The following NOSTRIN variants were observed in gnomAD, a reference collection of about 807,000 sequenced individuals.
NOSTRIN encodes BM247 homolog.
Under a neutral mutation model 59.0 loss-of-function variants are expected in NOSTRIN, and 63 were observed. The ratio of observed to expected loss-of-function variants is 1.07; its 90% CI spans 0.87 to 1.32. The LOEUF is 1.32. Ranked by LOEUF, NOSTRIN falls within the 40% of genes most tolerant of loss-of-function variation. The pLI, the probability that NOSTRIN is intolerant of heterozygous loss-of-function variation, is 0.00. For missense variants in NOSTRIN, 512 were observed against 473.1 expected, an observed-to-expected ratio of 1.08 and a Z score of -0.76; for synonymous variants, 200 against 165.4, an observed-to-expected ratio of 1.21 and a Z score of -1.61.
chr2:168,843,131 T>A lies in NOSTRIN; in HGVS notation c.630+14T>A, dbSNP rs1432949518. On this transcript the variant is annotated intron_variant, in intron 8 of 15. Coordinates refer to ENST00000317647, the MANE Select transcript of NOSTRIN (RefSeq NM_001039724.4). ...AACTGCTACCAGGTAAGTTATATAT[T>A]CACATTTTTTTCTTCTTCTGTGGAG... 2 of 859,648 alleles carry A rather than the reference T, an allele frequency of 2.3e-6. No homozygotes were observed. Among genetic ancestry groups the A allele is most frequent in the East Asian group, 2.4e-5 (1 of 41,562 alleles). 53.3% of individuals were successfully genotyped at this position (859,648 alleles called of 1,614,324 possible).
chr2:168,840,503 C>G (rs558713378), intron 7 of NOSTRIN, among the ~76,000 whole-genome samples: 1 of 132,488 alleles, frequency 7.5e-6, no homozygotes, highest in Non-Finnish European at 1.5e-5. Context: ...GCACTCCAGC[C>G]TGGGGGACAG....
upstream of NOSTRIN, chr2:168,802,335 G>A (rs550532201): frequency 3.1e-6 from 1 of 319,524 alleles, no homozygotes; most frequent in East Asian, 6.3e-5. Context: ...AATTGTTGGA[G>A]ACATGTTACA....
intron 2 of NOSTRIN, among the ~76,000 whole-genome samples, chr2:168,816,648 T>G (rs1042072820): frequency 7.2e-5 from 11 of 152,276 alleles, no homozygotes; most frequent in African/African-American, 2.6e-4. Flanking sequence ...AACTCCAGTC[T>G]CCAGTCTCAA....
At chr2:168,827,502 A>C (rs1164928872) in intron 3 of NOSTRIN, among the ~76,000 whole-genome samples, 2 of 152,024 alleles carry the variant, frequency 1.3e-5, no homozygotes, top group Non-Finnish European at 2.9e-5. Flanking sequence ...CCTATGACCA[A>C]CCTGTTCTCA....
At chr2:168,802,471 C>T (rs1338240522), upstream of NOSTRIN, 9 of 597,550 alleles carry the variant, frequency 1.5e-5, no homozygotes, top group South Asian at 9.5e-5. Flanking sequence ...TTTACTTTCT[C>T]GGGACACAAA....
At chr2:168,791,945 C>G (rs967682513) in intron 2 of NOSTRIN, among the ~76,000 whole-genome samples, 3 of 152,120 alleles carry the variant, frequency 2.0e-5, no homozygotes, top group African/African-American at 4.8e-5. Flanking sequence ...CCTGTTCACT[C>G]TGATGGTAGT....
At chr2:168,835,023 G>C (rs1162591972) in intron 7 of NOSTRIN, among the ~76,000 whole-genome samples, 1 of 151,950 alleles carries the variant, frequency 6.6e-6, no homozygotes, top group Non-Finnish European at 1.5e-5. Flanking sequence ...TTGGAGCAAG[G>C]TTCAGCCTTA....
At position 168,864,304 on chromosome 2, in the gene NOSTRIN, A is replaced by G. The variant is rs556048859; in HGVS notation, c.1385-530A>G. Among the ~76,000 whole-genome samples, 19 of 145,276 alleles carry G rather than the reference A, an allele frequency of 1.3e-4. 1 individual carries two copies. Among genetic ancestry groups the G allele is most frequent in the African/African-American group, 4.6e-4 (18 of 38,710 alleles). On this transcript the variant is annotated intron_variant, in intron 15 of 15. Transcript: ENST00000317647. ...GATCCTGTTTTTTTTTTTCTGAGAC[A>G]GAGTCTTGCCCTGTTGCTGTTGCCC...
intron 8 of NOSTRIN, among the ~76,000 whole-genome samples, chr2:168,843,665 G>A (rs2685798): frequency 0.64 from 97,559 of 152,082 alleles, 32,342 homozygotes; most frequent in African/African-American, 0.81. Flanking sequence ...CAAAATCATC[G>A]ATAAGCCTAT....
At chr2:168,847,592 G>A (rs1688507283) in intron 8 of NOSTRIN, among the ~76,000 whole-genome samples, 1 of 152,206 alleles carries the variant, frequency 6.6e-6, no homozygotes. Context: ...AGCAAGAACT[G>A]GAAGGAACGA....
At chr2:168,864,239 C>T (rs1445628584) in intron 15 of NOSTRIN, among the ~76,000 whole-genome samples, 2 of 151,074 alleles carry the variant, frequency 1.3e-5, no homozygotes, top group Non-Finnish European at 2.9e-5. Context: ...GGCCTCCCAA[C>T]GTGCTGGGAT....
intron 2 of NOSTRIN, among the ~76,000 whole-genome samples, chr2:168,790,908 G>A (rs829951): frequency 1 from 151,775 of 152,358 alleles, 75,599 homozygotes; most frequent in Middle Eastern, 1. Flanking sequence ...ATTCAGGACA[G>A]AAGGAAAAAA....
Position 168,805,687 on chromosome 2 carries a change from A to G in NOSTRIN, c.27+3014A>G, listed in dbSNP as rs185181994. The stretch of plus-strand genomic sequence containing the variant: ...CACAGTCAGCCCCTCCCCGCATGTC[A>G]TCGGCCATTGAAATGGCACCAGGCT... On this transcript the variant is annotated intron_variant, in intron 1 of 15. Coordinates refer to ENST00000317647, the MANE Select transcript of NOSTRIN (RefSeq NM_001039724.4). Among the ~76,000 whole-genome samples, 306 of 152,258 alleles carry G rather than the reference A, an allele frequency of 2.0e-3. 2 individuals carry two copies. Among genetic ancestry groups the G allele is most frequent in the African/African-American group, 7.1e-3 (294 of 41,566 alleles).
At chr2:168,840,159 G>C (rs1425763045) in intron 7 of NOSTRIN, among the ~76,000 whole-genome samples, 1 of 151,914 alleles carries the variant, frequency 6.6e-6, no homozygotes, top group East Asian at 1.9e-4. Flanking sequence ...TTGAGTCCTT[G>C]CATTGAACTG....
At chr2:168,800,125 G>C (rs142576252), upstream of NOSTRIN, among the ~76,000 whole-genome samples, 1 of 152,268 alleles carries the variant, frequency 6.6e-6, no homozygotes, top group Admixed American at 6.5e-5. Context: ...GATGAAATAC[G>C]GCCTCAGCCA....
intron 7 of NOSTRIN, among the ~76,000 whole-genome samples, chr2:168,838,860 C>T (rs1046537032): frequency 4.7e-5 from 7 of 150,048 alleles, no homozygotes; most frequent in Non-Finnish European, 7.4e-5. Flanking sequence ...CAATCTGGGC[C>T]GACTGCAACC....
intron 1 of NOSTRIN, among the ~76,000 whole-genome samples, chr2:168,803,884 G>T (rs1344575235): frequency 6.6e-6 from 1 of 152,096 alleles, no homozygotes. Flanking sequence ...TCTCCTTGAG[G>T]TTGCTCCCTG....
Position 168,856,788 on chromosome 2 carries a change from T to G in NOSTRIN, c.1053+10T>G. On this transcript the variant is annotated intron_variant, in intron 12 of 15. Transcript: ENST00000317647. ...AGCGTTAATGGATGAGGTAAATGTT[T>G]GCCGAGTGCATTTCCTAGATGTAGT... The G allele has an allele frequency of 1.2e-6, 2 of 1,612,254 alleles. No individual in the cohort carries two copies. Among genetic ancestry groups the G allele is most frequent in the African/African-American group, 2.7e-5 (2 of 75,000 alleles).
chr2:168,786,712 C>T (rs7584086), intron 1 of NOSTRIN: 40,278 of 151,862 alleles, frequency 0.27, 5,976 homozygotes, highest in East Asian at 0.49. Flanking sequence ...CTTGGCCCTC[C>T]TCGAAGTGTA....
Sources: gnomAD v4.1 joint callset for allele counts (sites outside exome capture counted in the v4.1 genomes callset) on GRCh38, gnomAD v4.1.1 for gene constraint, MANE v1.5 for transcripts, NCBI Gene and HGNC (gene_info 2026-07-23, HGNC 2026-07-21) for gene names.